SDK1: variants seen among roughly 807,000 people sequenced by gnomAD.
SDK1 encodes sidekick cell adhesion molecule 1.
SDK1 carries 157 observed loss-of-function variants against 245.5 expected under a neutral mutation model. The ratio of observed to expected loss-of-function variants is 0.64; its 90% CI spans 0.56 to 0.73. SDK1 has a LOEUF of 0.73. Ranked by LOEUF, SDK1 falls within the 30% of genes least tolerant of loss-of-function variation. The pLI, the probability that SDK1 is intolerant of heterozygous loss-of-function variation, is 0.00. For synonymous variants in SDK1, 1,647 were observed against 1,278.5 expected, an observed-to-expected ratio of 1.29 and a Z score of -6.15; for missense variants, 3,583 against 3,002.3, an observed-to-expected ratio of 1.19 and a Z score of -4.52.
intron 34 of SDK1, among the ~76,000 whole-genome samples, chr7:4,177,462 C>T (rs627121): frequency 0.64 from 97,421 of 152,144 alleles, 31,524 homozygotes; most frequent in East Asian, 0.73. Context: ...CAGCAGCCCA[C>T]GCCCGTTCTT....
chr7:3,638,884 ATTTG>A (rs1782557859), intron 2 of SDK1, 116 bp from the exon 3 acceptor site: 1 of 468,518 alleles, frequency 2.1e-6, no homozygotes, highest in East Asian at 3.4e-5. Flanking sequence ...AAAATAAAAT[ATTTG>A]TTGAGCATAT....
At chr7:3,431,665 GC>G (rs898388997) in intron 1 of SDK1, among the ~76,000 whole-genome samples, 5 of 152,154 alleles carry the variant, frequency 3.3e-5, no homozygotes, top group African/African-American at 1.2e-4. Context: ...AAGCAGCATA[GC>G]CTGGTGGACT....
intron 4 of SDK1, among the ~76,000 whole-genome samples, chr7:3,796,598 T>TA (rs2115029763): frequency 6.6e-6 from 1 of 152,290 alleles, no homozygotes; most frequent in South Asian, 2.1e-4. Context: ...AACCACTTCT[T>TA]ACCATCTCCC....
intron 5 of SDK1, among the ~76,000 whole-genome samples, chr7:3,836,365 A>T (rs1780028374): frequency 6.6e-6 from 1 of 152,244 alleles, no homozygotes; most frequent in South Asian, 2.1e-4. Context: ...TGTACGAGTG[A>T]GTAAAAAGTA....
At chr7:4,091,736 G>A (rs1781816065) in intron 22 of SDK1, among the ~76,000 whole-genome samples, 2 of 151,978 alleles carry the variant, frequency 1.3e-5, no homozygotes, top group South Asian at 4.1e-4. Context: ...GTAGATAAGA[G>A]CTGCTGTTCA....
intron 44 of SDK1, among the ~76,000 whole-genome samples, chr7:4,256,169 C>T (rs1787613908): frequency 6.6e-6 from 1 of 152,212 alleles, no homozygotes; most frequent in Admixed American, 6.5e-5. Context: ...ATCCGCCTGC[C>T]TGGTCCTGTC....
intron 4 of SDK1, among the ~76,000 whole-genome samples, chr7:3,788,858 G>T (rs1780992739): frequency 2.0e-5 from 3 of 152,142 alleles, no homozygotes; most frequent in African/African-American, 7.2e-5. Flanking sequence ...CAGAATTCAG[G>T]GCTGAGCCTG....
intron 5 of SDK1, among the ~76,000 whole-genome samples, chr7:3,919,115 C>G (rs900188444): frequency 6.6e-6 from 1 of 152,196 alleles, no homozygotes. Flanking sequence ...CTCACATAAT[C>G]TATCTCAGCT....
At chr7:3,384,956 C>G (rs1418573512) in intron 1 of SDK1, among the ~76,000 whole-genome samples, 1 of 152,184 alleles carries the variant, frequency 6.6e-6, no homozygotes, top group African/African-American at 2.4e-5. Flanking sequence ...CTGCCTTCTT[C>G]AGGATGCAGA....
chr7:3,357,925 G>A (rs1272917346), intron 1 of SDK1, among the ~76,000 whole-genome samples: 1 of 152,110 alleles, frequency 6.6e-6, no homozygotes, highest in Non-Finnish European at 1.5e-5. Context: ...AATATAAAAA[G>A]TATAGAGTAA....
intron 1 of SDK1, among the ~76,000 whole-genome samples, chr7:3,523,691 C>T (rs1783021600): frequency 6.6e-6 from 1 of 152,112 alleles, no homozygotes; most frequent in Non-Finnish European, 1.5e-5. Flanking sequence ...GGACTCCCAG[C>T]CTCCCAGAGC....
At chr7:3,514,252 TAGA>T (rs1782666798) in intron 1 of SDK1, among the ~76,000 whole-genome samples, 1 of 152,228 alleles carries the variant, frequency 6.6e-6, no homozygotes, top group South Asian at 2.1e-4. Flanking sequence ...TTCTGCATTT[TAGA>T]AGTAGACTAT....
intron 28 of SDK1, among the ~76,000 whole-genome samples, chr7:4,138,782 G>A (rs1222981006): frequency 6.6e-6 from 1 of 151,504 alleles, no homozygotes; most frequent in Non-Finnish European, 1.5e-5. Context: ...AAAGAAGAAG[G>A]AAGGAGGGAA....
intron 1 of SDK1, among the ~76,000 whole-genome samples, chr7:3,535,581 A>C (rs977372755): frequency 3.3e-5 from 5 of 152,154 alleles, no homozygotes; most frequent in Non-Finnish European, 5.9e-5. Flanking sequence ...TCAGCTGTAA[A>C]GCGCGGGCCT....
chr7:3,954,624 C>T (rs541068573), intron 7 of SDK1, among the ~76,000 whole-genome samples: 1 of 134,640 alleles, frequency 7.4e-6, no homozygotes, highest in African/African-American at 2.9e-5. Flanking sequence ...CTACACCTTC[C>T]CCTCTGGCCT....
chr7:3,393,272 C>T (rs901317569), intron 1 of SDK1, among the ~76,000 whole-genome samples: 3 of 152,032 alleles, frequency 2.0e-5, no homozygotes, highest in Middle Eastern at 3.4e-3. Flanking sequence ...ACACCCGGCC[C>T]CTATTTTCAG....
At chr7:3,781,316 A>T (rs569171801) in intron 4 of SDK1, among the ~76,000 whole-genome samples, 1 of 152,212 alleles carries the variant, frequency 6.6e-6, no homozygotes, top group African/African-American at 2.4e-5. Flanking sequence ...ACCCCACCTG[A>T]CATCAGAGCA....
chr7:3,886,431 A>G (rs1235941175), intron 5 of SDK1, among the ~76,000 whole-genome samples: 1 of 152,238 alleles, frequency 6.6e-6, no homozygotes, highest in African/African-American at 2.4e-5. Flanking sequence ...CTTTACAGAT[A>G]ATGAAGCTGA....
intron 1 of SDK1, among the ~76,000 whole-genome samples, chr7:3,593,704 C>A (rs531353923): frequency 6.6e-6 from 1 of 152,264 alleles, no homozygotes. Flanking sequence ...CTTCCTCCTG[C>A]TCACTGGCCA....
Sources: gnomAD v4.1 joint callset for allele counts (sites outside exome capture counted in the v4.1 genomes callset) on GRCh38, gnomAD v4.1.1 for gene constraint, MANE v1.5 for transcripts, NCBI Gene and HGNC (gene_info 2026-07-23, HGNC 2026-07-21) for gene names.